Variants in XRCC4 observed in about 807,000 individuals in gnomAD.
XRCC4 encodes DNA repair protein XRCC4.
In XRCC4, 28 loss-of-function variants were observed where a neutral mutation model predicts 39.1. The observed-to-expected ratio is 0.72, with a 90% confidence interval of 0.53 to 0.98. The LOEUF (loss-of-function observed/expected upper bound fraction) is 0.98, where lower values mean the gene tolerates loss of function less well. Among genes scored for constraint, XRCC4 ranks in the 50% least tolerant of loss-of-function variants. The pLI is 0.00. For missense variants in XRCC4, 350 were observed against 376.4 expected, an observed-to-expected ratio of 0.93 and a Z score of 0.58; for synonymous variants, 123 against 126.4, an observed-to-expected ratio of 0.97 and a Z score of 0.18.
intron 7 of XRCC4, among the ~76,000 whole-genome samples, chr5:83,265,458 A>G (rs758327836): frequency 6.6e-6 from 1 of 152,154 alleles, no homozygotes; most frequent in Non-Finnish European, 1.5e-5. Flanking sequence ...TGCGGCTCTC[A>G]CTTTGCTTGC....
In XRCC4 at chr5:83,290,039, C is replaced by T. The variant is rs953042416; in HGVS notation, c.893+31362C>T. On this transcript the variant is annotated intron_variant, in intron 7 of 7. Transcript: ENST00000396027. ...GTCTCCAGCAGTTCATTAAAATTCC[C>T]CTTTGAGTGTTCCTATCAATTTTTG... Among the ~76,000 whole-genome samples, 11 of 151,878 alleles carry T rather than the reference C, an allele frequency of 7.2e-5. No individual in the cohort carries two copies. The East Asian group carries it at 2.1e-3, about 29-fold the overall frequency.
chr5:83,156,123 A>T (rs1046457907), intron 3 of XRCC4, among the ~76,000 whole-genome samples: 1 of 152,082 alleles, frequency 6.6e-6, no homozygotes, highest in Non-Finnish European at 1.5e-5. Flanking sequence ...GAATATTGAG[A>T]CTACTCTAAA....
chr5:83,105,994 G>A (rs999890985), intron 2 of XRCC4, among the ~76,000 whole-genome samples: 1 of 152,012 alleles, frequency 6.6e-6, no homozygotes, highest in Non-Finnish European at 1.5e-5. Context: ...TATACTTACA[G>A]AGTTTCAAAA....
Position 83,130,535 on chromosome 5 carries a change from G to T in XRCC4, c.315+19332G>T, listed in dbSNP as rs562333610. Among the ~76,000 whole-genome samples the T allele has an allele frequency of 4.3e-4, 65 of 152,300 alleles. No individual in the cohort carries two copies. The South Asian group carries it at 0.013, about 32-fold the overall frequency. On this transcript the variant is annotated intron_variant, in intron 3 of 7. Coordinates refer to ENST00000396027, the MANE Select transcript of XRCC4 (RefSeq NM_003401.5). Reference sequence around the variant, plus strand: ...TTTTTTATTGATTGGAGTAGTTTCAGAAGGAATGGTACCAGCTCCTCTTTG... The same window carrying T: ...TTTTTTATTGATTGGAGTAGTTTCATAAGGAATGGTACCAGCTCCTCTTTG...
At chr5:83,106,822 TACTTTTTTG>T (rs1746221861) in intron 2 of XRCC4, among the ~76,000 whole-genome samples, 1 of 152,032 alleles carries the variant, frequency 6.6e-6, no homozygotes, top group Admixed American at 6.6e-5. Context: ...TCTCAATGAA[TACTTTTTTG>T]ATTGAAAGAA....
At chr5:83,130,327 T>C (rs7446506) in intron 3 of XRCC4, among the ~76,000 whole-genome samples, 74,546 of 151,944 alleles carry the variant, frequency 0.49, 19,237 homozygotes, top group African/African-American at 0.63. Context: ...TCAACTTGAT[T>C]GTGGTGGATA....
intron 1 of XRCC4, among the ~76,000 whole-genome samples, chr5:83,083,558 A>G (rs1745053297): frequency 6.6e-6 from 1 of 151,764 alleles, no homozygotes; most frequent in South Asian, 2.1e-4. Flanking sequence ...TTGTATTTTT[A>G]GTACAGACGG....
intron 7 of XRCC4, among the ~76,000 whole-genome samples, chr5:83,293,494 T>C (rs955712988): frequency 1.3e-5 from 2 of 151,998 alleles, no homozygotes; most frequent in African/African-American, 4.8e-5. Flanking sequence ...TTCTTATTCC[T>C]TCACATCTTT....
intron 1 of XRCC4, among the ~76,000 whole-genome samples, chr5:83,101,462 A>G (rs1166330712): frequency 6.6e-6 from 1 of 152,130 alleles, no homozygotes; most frequent in Non-Finnish European, 1.5e-5. Context: ...ATTAAAAGAA[A>G]AAGAACCTAT....
intron 6 of XRCC4, among the ~76,000 whole-genome samples, chr5:83,216,858 A>G (rs1487576288): frequency 6.6e-6 from 1 of 152,200 alleles, no homozygotes; most frequent in Admixed American, 6.5e-5. Context: ...ATTTTTGGAC[A>G]TGATGGAACT....
chr5:83,255,647 A>T (rs576052746), intron 6 of XRCC4, among the ~76,000 whole-genome samples: 2 of 152,318 alleles, frequency 1.3e-5, no homozygotes, highest in East Asian at 1.9e-4. Context: ...TTTGCCACAC[A>T]TACGATTATT....
intron 7 of XRCC4, among the ~76,000 whole-genome samples, chr5:83,312,498 CA>C (rs1052201114): frequency 3.3e-5 from 5 of 152,130 alleles, no homozygotes; most frequent in African/African-American, 9.7e-5. Flanking sequence ...TGGGAAGATA[CA>C]TTAAGAAAGC....
At chr5:83,295,184 G>A (rs1224900730) in intron 7 of XRCC4, among the ~76,000 whole-genome samples, 1 of 151,892 alleles carries the variant, frequency 6.6e-6, no homozygotes, top group East Asian at 1.9e-4. Context: ...CATATAGTGA[G>A]CAGCACTTTC....
At chr5:83,294,296 G>A (rs540770772) in intron 7 of XRCC4, among the ~76,000 whole-genome samples, 5 of 152,078 alleles carry the variant, frequency 3.3e-5, no homozygotes, top group African/African-American at 1.2e-4. Context: ...ATAATTGAAA[G>A]ACAATGAGGA....
At chr5:83,092,119 C>T (rs1444027488) in intron 1 of XRCC4, among the ~76,000 whole-genome samples, 5 of 152,088 alleles carry the variant, frequency 3.3e-5, no homozygotes, top group Admixed American at 2.6e-4. Flanking sequence ...TGATGGTGAG[C>T]GTTTTTTCAA....
chr5:83,084,930 A>C (rs1225557727), intron 1 of XRCC4, among the ~76,000 whole-genome samples: 1 of 152,204 alleles, frequency 6.6e-6, no homozygotes, highest in Non-Finnish European at 1.5e-5. Context: ...AGCTCTATAG[A>C]TTCTGAAAAG....
At chr5:83,207,219 G>A (rs1397454353) in intron 6 of XRCC4, among the ~76,000 whole-genome samples, 1 of 152,020 alleles carries the variant, frequency 6.6e-6, no homozygotes, top group African/African-American at 2.4e-5. Flanking sequence ...ACCAATATTT[G>A]AAGTAGGTGA....
chr5:83,340,448 C>A, intron 7 of XRCC4, among the ~76,000 whole-genome samples: 1 of 151,944 alleles, frequency 6.6e-6, no homozygotes, highest in African/African-American at 2.4e-5. Context: ...CCAGTTAGGT[C>A]CAATATAATC....
chr5:83,310,070 G>A (rs1382459335), intron 7 of XRCC4, among the ~76,000 whole-genome samples: 2 of 152,156 alleles, frequency 1.3e-5, no homozygotes, highest in Non-Finnish European at 2.9e-5. Context: ...TCCTGTTGGG[G>A]ATAAAAGATG....
Sources: allele counts gnomAD v4.1 joint callset (sites outside exome capture counted in the v4.1 genomes callset), GRCh38; gene constraint gnomAD v4.1.1; transcripts MANE v1.5; gene names NCBI Gene and HGNC (gene_info 2026-07-23, HGNC 2026-07-21).